Variants in CTXND1 observed in about 807,000 individuals in gnomAD.
CTXND1 encodes the protein cortexin domain containing 1, also known as cortexin domain-containing 1 protein.
chr15:80,227,823 A>G (rs1309263026), intron 1 of CTXND1, among the ~76,000 whole-genome samples: 4 of 152,188 alleles, frequency 2.6e-5, no homozygotes, highest in Non-Finnish European at 1.5e-5. Flanking sequence ...GTTACTGAAG[A>G]TTGGGGTAGC....
chr15:80,246,493 C>T (rs534900817), intron 1 of CTXND1, among the ~76,000 whole-genome samples: 4 of 152,304 alleles, frequency 2.6e-5, no homozygotes, highest in South Asian at 2.1e-4. Flanking sequence ...TGCTGACAGC[C>T]GACTGCGTCA....
intron 1 of CTXND1, among the ~76,000 whole-genome samples, chr15:80,246,977 T>C (rs1893638597): frequency 6.6e-6 from 1 of 152,186 alleles, no homozygotes; most frequent in African/African-American, 2.4e-5. Flanking sequence ...ACGGTGCTGG[T>C]TAATTTCATA....
rs960005336 is a variant in CTXND1 at position 80,196,476 on chromosome 15, G to C, written c.*5294C>G. 1 of 152,160 alleles carries C rather than the reference G, an allele frequency of 6.6e-6. No individual in the cohort carries two copies. The highest frequency in any genetic ancestry group is 1.5e-5 in the Non-Finnish European group (1 of 68,032). The allele number at this position is 152,160 out of a possible 1,614,324, so 9.4% of individuals were successfully genotyped here. ...AGAACAAGACTGCAGTTACCACTCT[G>C]GGCCTCATGACCAGCCACAGAAGGG... On this transcript the variant is annotated 3_prime_UTR_variant, in exon 3 of 3. Coordinates refer to ENST00000560778, the MANE Select transcript of CTXND1 (RefSeq NM_001352888.2).
chr15:80,250,133 G>T (rs1893677201), intron 1 of CTXND1, among the ~76,000 whole-genome samples: 1 of 152,198 alleles, frequency 6.6e-6, no homozygotes, highest in Non-Finnish European at 1.5e-5. Context: ...CTATTTTAGG[G>T]TTGCAGATTT....
rs1272188307 is a variant in CTXND1, at chr15:80,201,056, A to G, written c.*714T>C. On this transcript the variant is annotated 3_prime_UTR_variant, in exon 3 of 3. Coordinates refer to ENST00000560778, the MANE Select transcript of CTXND1 (RefSeq NM_001352888.2). ...ACAAGTAAAAAGGCTGGAAGAAAATATATCAAAATGGTGGTTTCCGGGAGG... is the reference window on the plus strand; with the variant it reads ...ACAAGTAAAAAGGCTGGAAGAAAATGTATCAAAATGGTGGTTTCCGGGAGG... The G allele has an allele frequency of 1.3e-5, 2 of 152,210 alleles. No individual in the cohort carries two copies. The highest frequency in any genetic ancestry group is 1.3e-4 in the Admixed American group (2 of 15,282). 9.4% of individuals were successfully genotyped at this position (152,210 alleles called of 1,614,324 possible). A position where few individuals can be genotyped will look rare whatever the true frequency, so the allele number is the denominator to read the frequency against.
intron 1 of CTXND1, among the ~76,000 whole-genome samples, chr15:80,235,535 G>A (rs970810260): frequency 5.9e-5 from 9 of 152,254 alleles, no homozygotes; most frequent in African/African-American, 2.2e-4. Context: ...GTGGCATAAC[G>A]CGACTGTGGA....
intron 1 of CTXND1, among the ~76,000 whole-genome samples, chr15:80,226,164 A>C (rs35222819): frequency 6.6e-6 from 1 of 152,142 alleles, no homozygotes; most frequent in African/African-American, 2.4e-5. Flanking sequence ...GAAGTCCCCA[A>C]TTGTCCAGTT....
intron 1 of CTXND1, among the ~76,000 whole-genome samples, chr15:80,247,804 C>T (rs1893650244): frequency 6.7e-6 from 1 of 149,930 alleles, no homozygotes; most frequent in Non-Finnish European, 1.5e-5. Context: ...TCTGCAGACA[C>T]TGAGAATGAA....
intron 1 of CTXND1, among the ~76,000 whole-genome samples, chr15:80,239,358 A>AGT (rs1893539144): frequency 6.6e-6 from 1 of 152,228 alleles, no homozygotes; most frequent in Non-Finnish European, 1.5e-5. Context: ...AAGGATACAA[A>AGT]GTATTGATCC....
rs1463268514 is a variant in CTXND1 at position 80,220,495 on chromosome 15, C to T, written c.-217-16755G>A. On this transcript the variant is annotated intron_variant, in intron 1 of 2. Coordinates refer to ENST00000560778, the MANE Select transcript of CTXND1 (RefSeq NM_001352888.2). ...ATCTTGTTATATGCTACTCCAACTTCTCCACCTTGTAGTTTTTATTCCAGA... is the reference window on the plus strand; with the variant it reads ...ATCTTGTTATATGCTACTCCAACTTTTCCACCTTGTAGTTTTTATTCCAGA... 3.9e-5 allele frequency among the ~76,000 whole-genome samples: 6 copies of T among 152,328 alleles called. No individual in the cohort carries two copies. The East Asian group carries it at 9.6e-4, about 24-fold the overall frequency.
chr15:80,251,752 G>C (rs542906853), intron 1 of CTXND1, among the ~76,000 whole-genome samples: 52 of 152,152 alleles, frequency 3.4e-4, no homozygotes, highest in Admixed American at 2.1e-3. Context: ...CGAGGCTGCT[G>C]TCCCCTGCCG....
chr15:80,251,433 C>G (rs986831405), intron 1 of CTXND1, among the ~76,000 whole-genome samples: 1 of 152,214 alleles, frequency 6.6e-6, no homozygotes, highest in Admixed American at 6.5e-5. Flanking sequence ...GAACTTTCCC[C>G]AGAAGTTACA....
At chr15:80,223,742 G>A (rs767222293) in intron 1 of CTXND1, among the ~76,000 whole-genome samples, 1 of 151,776 alleles carries the variant, frequency 6.6e-6, no homozygotes, top group Non-Finnish European at 1.5e-5. Context: ...CAGCCATTCT[G>A]GGGGTAGATT....
At chr15:80,250,131 G>A (rs571945025) in intron 1 of CTXND1, among the ~76,000 whole-genome samples, 1 of 152,162 alleles carries the variant, frequency 6.6e-6, no homozygotes, top group African/African-American at 2.4e-5. Context: ...AACTATTTTA[G>A]GGTTGCAGAT....
At chr15:80,240,106 C>T (rs866955423) in intron 1 of CTXND1, among the ~76,000 whole-genome samples, 4 of 152,278 alleles carry the variant, frequency 2.6e-5, no homozygotes, top group Non-Finnish European at 4.4e-5. Context: ...GCTGGGATTA[C>T]GGACATGCAC....
chr15:80,220,138 CT>C (rs540345412), intron 1 of CTXND1, among the ~76,000 whole-genome samples: 15 of 125,030 alleles, frequency 1.2e-4, no homozygotes, highest in East Asian at 7.0e-4. Flanking sequence ...ATCTATCTAT[CT>C]ATCTATCATC....
At chr15:80,214,799 A>G (rs778869844) in intron 1 of CTXND1, among the ~76,000 whole-genome samples, 1 of 152,200 alleles carries the variant, frequency 6.6e-6, no homozygotes, top group African/African-American at 2.4e-5. Context: ...AATTCACAAA[A>G]CACAAAATCA....
chr15:80,203,750 A>G lies in CTXND1; in HGVS notation c.-217-10T>C, dbSNP rs539877863. ...GGGCGCTGGAGTGTGACTGTAAGAG[A>G]AAGAGACAAAGAAGACTAGTTATTT... is the stretch of plus-strand genomic sequence containing the variant. On this transcript the variant is annotated splice_polypyrimidine_tract_variant and intron_variant, in intron 1 of 2. Transcript: ENST00000560778. 1.3e-5 allele frequency: 2 copies of G among 152,198 alleles called. No individual in the cohort carries two copies. Among genetic ancestry groups the G allele is most frequent in the East Asian group, 3.9e-4 (2 of 5,174 alleles). 9.4% of individuals were successfully genotyped at this position (152,198 alleles called of 1,614,324 possible).
intron 1 of CTXND1, among the ~76,000 whole-genome samples, chr15:80,217,612 T>TCTCA (rs1005197531): frequency 2.0e-5 from 3 of 151,990 alleles, no homozygotes; most frequent in Admixed American, 6.6e-5. Flanking sequence ...AGTGGCAAAA[T>TCTCA]CTCAGCTCAC....
Sources: allele counts gnomAD v4.1 joint callset (sites outside exome capture counted in the v4.1 genomes callset), GRCh38; gene constraint gnomAD v4.1.1; transcripts MANE v1.5; gene names NCBI Gene and HGNC (gene_info 2026-07-23, HGNC 2026-07-21).